The following ROR2 variants were observed in gnomAD, a reference collection of about 807,000 sequenced individuals.
ROR2 encodes tyrosine-protein kinase transmembrane receptor ROR2.
In ROR2, 33 loss-of-function variants were observed where a neutral mutation model predicts 74.9. The observed-to-expected ratio is 0.44, with a 90% CI of 0.33 to 0.59. The LOEUF is 0.59. Among genes scored for constraint, ROR2 ranks in the 20% least tolerant of loss-of-function variants. The pLI is 0.02. For synonymous variants in ROR2, 586 were observed against 558.7 expected (o/e 1.05, Z -0.69); for missense variants, 1,216 against 1,313.8 (o/e 0.93, Z 1.15).
intron 1 of ROR2, among the ~76,000 whole-genome samples, chr9:91,786,587 C>A (rs574682553): frequency 1.6e-4 from 25 of 152,278 alleles, no homozygotes; most frequent in Admixed American, 4.6e-4. Context: ...GGTGAAGTAG[C>A]CAAGGCCACC....
intron 1 of ROR2, among the ~76,000 whole-genome samples, chr9:91,795,869 T>A (rs544300848): frequency 6.6e-6 from 1 of 152,120 alleles, no homozygotes; most frequent in Admixed American, 6.5e-5. Context: ...TGAATGTACA[T>A]ACAGGTGGGA....
At position 91,724,818 on chromosome 9, in the gene ROR2, C is replaced by T; in HGVS notation, c.1676G>A (p.Gly559Asp). Reference sequence around the variant, plus strand: ...CATGACCAGGAATTCGTGGAGGTCGCCGTGCGAACAGTAGCTGAAGATCAT... The same window carrying T: ...CATGACCAGGAATTCGTGGAGGTCGTCGTGCGAACAGTAGCTGAAGATCAT... ...LSMIFSYCSHGDLHEFLVMRS... is the reference protein window; with the variant it reads ...LSMIFSYCSHDDLHEFLVMRS... Residue 559 changes from glycine (G) to aspartate (D), a missense_variant, in exon 9 of 9, where the codon GGC becomes GAC. Gly to Asp is a moderately conservative substitution (Grantham distance 94, BLOSUM62 -1). Transcript: ENST00000375708. 1 of 1,607,530 alleles carries T rather than the reference C, an allele frequency of 6.2e-7. No homozygotes were observed. The highest frequency in any genetic ancestry group is 1.7e-5 in the Admixed American group (1 of 59,902).
At chr9:91,887,132 C>G (rs902183558) in intron 1 of ROR2, 1 of 152,156 alleles carries the variant, frequency 6.6e-6, no homozygotes, top group African/African-American at 2.4e-5. Context: ...AGGGTACATT[C>G]GTGGGGAGGA....
intron 1 of ROR2, among the ~76,000 whole-genome samples, chr9:91,861,661 A>G (rs1829471260): frequency 6.6e-6 from 1 of 152,232 alleles, no homozygotes; most frequent in African/African-American, 2.4e-5. Context: ...TTAAAAGAAT[A>G]CAGTGTACCT....
At chr9:91,916,950 GCC>G (rs906673738) in intron 1 of ROR2, among the ~76,000 whole-genome samples, 1 of 151,822 alleles carries the variant, frequency 6.6e-6, no homozygotes, top group African/African-American at 2.4e-5. Flanking sequence ...AATGTTCCCT[GCC>G]CCCACAGACG....
intron 1 of ROR2, among the ~76,000 whole-genome samples, chr9:91,782,841 A>T (rs1275459389): frequency 6.6e-6 from 1 of 152,236 alleles, no homozygotes; most frequent in African/African-American, 2.4e-5. Flanking sequence ...TCTTGGAATC[A>T]AACAGGGGTA....
chr9:91,737,342 T>C, intron 5 of ROR2, 49 bp downstream of exon 5: 6 of 1,613,212 alleles, frequency 3.7e-6, no homozygotes, highest in Non-Finnish European at 5.1e-6. Flanking sequence ...GTGCGACAGA[T>C]GGCTGTGTGC....
chr9:91,772,294 A>G (rs1350236663), intron 2 of ROR2, among the ~76,000 whole-genome samples: 4 of 152,216 alleles, frequency 2.6e-5, no homozygotes, highest in African/African-American at 9.6e-5. Flanking sequence ...TGATCCACCA[A>G]TCATCACGAT....
At chr9:91,790,686 G>A (rs1826941609) in intron 1 of ROR2, among the ~76,000 whole-genome samples, 1 of 152,124 alleles carries the variant, frequency 6.6e-6, no homozygotes, top group Non-Finnish European at 1.5e-5. Context: ...GGTCCCTCAG[G>A]AGGTATCCAG....
chr9:91,922,103 C>CAACAACAACAACAACAACAACA (rs1831283602), intron 1 of ROR2, among the ~76,000 whole-genome samples: 1 of 126,514 alleles, frequency 7.9e-6, no homozygotes, highest in African/African-American at 2.9e-5. Context: ...ACAACAGCAA[C>CAACAACAACAACAACAACAACA]AACAACAACA....
chr9:91,916,126 G>A (rs571511396), intron 1 of ROR2, among the ~76,000 whole-genome samples: 22 of 152,330 alleles, frequency 1.4e-4, no homozygotes, highest in Admixed American at 3.3e-4. Context: ...AAAGCAACAA[G>A]GAAGAAGGGA....
chr9:91,843,930 T>C (rs1534530), intron 1 of ROR2, among the ~76,000 whole-genome samples: 77,557 of 152,238 alleles, frequency 0.51, 23,836 homozygotes, highest in African/African-American at 0.86. Context: ...ATGCCGGCCC[T>C]GCTGTCTGCA....
intron 1 of ROR2, among the ~76,000 whole-genome samples, chr9:91,945,513 C>A (rs894735816): frequency 6.6e-6 from 1 of 152,166 alleles, no homozygotes; most frequent in Non-Finnish European, 1.5e-5. Flanking sequence ...CTCATTCCAG[C>A]GACAATTAAA....
chr9:91,748,264 G>A (rs750376272), intron 4 of ROR2, among the ~76,000 whole-genome samples: 13 of 149,944 alleles, frequency 8.7e-5, no homozygotes, highest in Non-Finnish European at 1.5e-4. Context: ...GCGAAAAAGC[G>A]AGACGCTGTC....
At chr9:91,825,221 A>G (rs1828250998) in intron 1 of ROR2, among the ~76,000 whole-genome samples, 1 of 152,202 alleles carries the variant, frequency 6.6e-6, no homozygotes, top group Admixed American at 6.5e-5. Flanking sequence ...AAGGCTGAGG[A>G]CACGCAATAA....
In ROR2 at chr9:91,730,983, G is replaced by T; in HGVS notation, c.1110C>A (p.Gly370=). ...TAAAGCACCAGGGGCCCTCCATCTG[G>T]CCTCCGGGGTTCCGGCAGTAGGCGT... ...GGHAYCRNPG[G]QMEGPWCFTQ... is the part of the protein sequence containing the mutation. Residue 370 remains glycine (G), a synonymous_variant, in exon 7 of 9, where the codon GGC becomes GGA. Transcript: ENST00000375708. 1 of 1,614,142 alleles carries T rather than the reference G, an allele frequency of 6.2e-7. No individual in the cohort carries two copies. Among genetic ancestry groups the T allele is most frequent in the Non-Finnish European group, 8.5e-7 (1 of 1,180,028 alleles).
At chr9:91,775,066 C>T (rs767199339) in intron 2 of ROR2, among the ~76,000 whole-genome samples, 11 of 152,200 alleles carry the variant, frequency 7.2e-5, no homozygotes, top group Non-Finnish European at 1.6e-4. Flanking sequence ...TCTCCAGAAC[C>T]CAACTGTGCT....
At chr9:91,871,535 G>A (rs1368990283) in intron 1 of ROR2, among the ~76,000 whole-genome samples, 2 of 152,122 alleles carry the variant, frequency 1.3e-5, no homozygotes, top group Non-Finnish European at 2.9e-5. Flanking sequence ...TCCAAAGAAG[G>A]CTACAACAAT....
At position 91,724,970 on chromosome 9, in the gene ROR2, C is replaced by T. The variant is rs114395148; in HGVS notation, c.1524G>A (p.Thr508=). ...GGGGCCCCTCCGCTTTGTCCTTCAG[C>T]GTTTTGATGGCCACAGCCTGGGTCT... The part of the protein sequence containing the change: ...GEQTQAVAIK[T]LKDKAEGPLR... The change falls in exon 9 of 9, where the codon ACG becomes ACA. Residue 508 remains threonine (T), a synonymous_variant. Transcript: ENST00000375708. 216 of 1,613,752 alleles carry T rather than the reference C, an allele frequency of 1.3e-4. No homozygotes were observed. The highest frequency in any genetic ancestry group is 9.1e-4 in the African/African-American group (68 of 75,062).
Sources: allele counts gnomAD v4.1 joint callset (sites outside exome capture counted in the v4.1 genomes callset), GRCh38; gene constraint gnomAD v4.1.1; transcripts MANE v1.5; gene names NCBI Gene and HGNC (gene_info 2026-07-23, HGNC 2026-07-21).